The following NCR3LG1 variants were observed in gnomAD, a reference collection of about 807,000 sequenced individuals.
The protein encoded by NCR3LG1 is natural killer cell cytotoxicity receptor 3 ligand 1.
In NCR3LG1, 35 loss-of-function variants were observed where a neutral mutation model predicts 34.8. The observed-to-expected ratio is 1.01, with a 90% CI of 0.77 to 1.33. NCR3LG1 has a LOEUF of 1.33. Ranked by LOEUF, NCR3LG1 falls within the 40% of genes most tolerant of loss-of-function variation. The pLI is 0.00. For missense variants in NCR3LG1, 452 were observed against 423.3 expected, an observed-to-expected ratio of 1.07 and a Z score of -0.60; for synonymous variants, 173 against 163.6, an observed-to-expected ratio of 1.06 and a Z score of -0.44.
intron 2 of NCR3LG1, 119 bp from the exon 3 acceptor site, chr11:17,366,890 C>G: frequency 1.4e-6 from 1 of 691,976 alleles, no homozygotes; most frequent in Non-Finnish European, 2.4e-6. Flanking sequence ...TTTGTCTTAT[C>G]TGGCTACAGG....
chr11:17,373,298 A>G lies in NCR3LG1; in HGVS notation c.*786A>G, dbSNP rs1953433595. 6.6e-6 allele frequency: 1 copy of G among 152,302 alleles called. No individual in the cohort carries two copies. Among genetic ancestry groups the G allele is most frequent in the South Asian group, 2.1e-4 (1 of 4,834 alleles). 9.4% of individuals were successfully genotyped at this position (152,302 alleles called of 1,614,324 possible). A position where few individuals can be genotyped will look rare whatever the true frequency, so the allele number is the denominator to read the frequency against. ...AGAGACTCTGGTGGCCACTTTGTAT[A>G]AAACCCAGTATCCCCAAGGTACACC... On this transcript the variant is annotated 3_prime_UTR_variant, in exon 5 of 5. Transcript: ENST00000338965.
At chr11:17,379,731 A>G (rs1200856593), downstream of NCR3LG1, among the ~76,000 whole-genome samples, 1 of 152,218 alleles carries the variant, frequency 6.6e-6, no homozygotes, top group African/African-American at 2.4e-5. Context: ...AATACTTTTA[A>G]TATGTAAAAC....
At chr11:17,354,545 CTTTTTTTTTTTT>C (rs71047545) in intron 1 of NCR3LG1, among the ~76,000 whole-genome samples, 30 of 70,294 alleles carry the variant, frequency 4.3e-4, no homozygotes, top group Non-Finnish European at 7.8e-4. Flanking sequence ...AATTCTTCTT[CTTTTTTTTTTTT>C]TTTTTTTTTT....
At chr11:17,364,850 T>G (rs189850761) in intron 2 of NCR3LG1, among the ~76,000 whole-genome samples, 142 of 152,314 alleles carry the variant, frequency 9.3e-4, no homozygotes, top group Non-Finnish European at 1.8e-3. Context: ...TCAGCCTCCT[T>G]GTCAGTTTCA....
In NCR3LG1 at chr11:17,368,969, G is replaced by C. The variant is rs1339949801; in HGVS notation, c.858+5G>C. ...GTTTTGATTCCTTGGAAAAAGGTAAGGGGCTCCAAAGCAAAGTTCAGCCCT... is the reference window on the plus strand; with the variant it reads ...GTTTTGATTCCTTGGAAAAAGGTAACGGGCTCCAAAGCAAAGTTCAGCCCT... On this transcript the variant is annotated splice_donor_5th_base_variant and intron_variant, in intron 4 of 4. Coordinates refer to ENST00000338965, the MANE Select transcript of NCR3LG1 (RefSeq NM_001202439.3). 1 of 1,521,882 alleles carries C rather than the reference G, an allele frequency of 6.6e-7. No homozygotes were observed. Among genetic ancestry groups the C allele is most frequent in the African/African-American group, 1.4e-5 (1 of 72,466 alleles). 94.3% of individuals were successfully genotyped at this position (1,521,882 alleles called of 1,614,324 possible).
rs552072166 is a variant in NCR3LG1 at position 17,376,073 on chromosome 11, G to C, written c.*3561G>C. ...ATGGTCAAATAGGTTGTTAATACTC[G>C]TGAAACCCTCTTAAAAATAATCCCT... On this transcript the variant is annotated 3_prime_UTR_variant, in exon 5 of 5. Coordinates refer to ENST00000338965, the MANE Select transcript of NCR3LG1 (RefSeq NM_001202439.3). The C allele has an allele frequency of 6.6e-6, 1 of 152,282 alleles. No individual in the cohort carries two copies. The highest frequency in any genetic ancestry group is 1.9e-4 in the East Asian group (1 of 5,180). The allele number at this position is 152,282 out of a possible 1,614,324, so 9.4% of individuals were successfully genotyped here. A position where few individuals can be genotyped will look rare whatever the true frequency, so the allele number is the denominator to read the frequency against.
intron 4 of NCR3LG1, among the ~76,000 whole-genome samples, chr11:17,370,401 G>C (rs963246924): frequency 6.6e-6 from 1 of 152,196 alleles, no homozygotes; most frequent in African/African-American, 2.4e-5. Context: ...GGAAACATTG[G>C]AAGGGTGAGT....
chr11:17,358,365 G>T (rs1215335306), intron 2 of NCR3LG1, among the ~76,000 whole-genome samples: 1 of 152,160 alleles, frequency 6.6e-6, no homozygotes, highest in Admixed American at 6.5e-5. Flanking sequence ...TTTGGTGAGG[G>T]TATTGGTCAG....
chr11:17,377,097 CAGG>C lies in NCR3LG1; in HGVS notation c.*4588_*4590del, dbSNP rs1339818321. The C allele has an allele frequency of 6.6e-6, 1 of 152,116 alleles. No individual in the cohort carries two copies. The highest frequency in any genetic ancestry group is 1.5e-5 in the Non-Finnish European group (1 of 68,022). 9.4% of individuals were successfully genotyped at this position (152,116 alleles called of 1,614,324 possible). On this transcript the variant is annotated 3_prime_UTR_variant, in exon 5 of 5. Coordinates refer to ENST00000338965, the MANE Select transcript of NCR3LG1 (RefSeq NM_001202439.3). ...CCTACAAATCTGTGGGTGAACAGAACAGGAGACTTCTGGACTGACAGCCCCTGT... is the reference window on the plus strand; with the variant it reads ...CCTACAAATCTGTGGGTGAACAGAACAGACTTCTGGACTGACAGCCCCTGT...
At chr11:17,358,059 A>C (rs1388016943) in intron 2 of NCR3LG1, among the ~76,000 whole-genome samples, 1 of 152,190 alleles carries the variant, frequency 6.6e-6, no homozygotes, top group Non-Finnish European at 1.5e-5. Context: ...TTAGATTTAC[A>C]GAAACATTGC....
chr11:17,359,743 C>T (rs1338997445), intron 2 of NCR3LG1, among the ~76,000 whole-genome samples: 2 of 151,784 alleles, frequency 1.3e-5, no homozygotes, highest in Admixed American at 6.6e-5. Flanking sequence ...AACTCCTGAC[C>T]TCAGATGATC....
Position 17,356,733 on chromosome 11 carries a change from T to G in NCR3LG1, c.153T>G (p.Phe51Leu), listed in dbSNP as rs978413431. 6.5e-7 allele frequency: 1 copy of G among 1,536,476 alleles called. No individual in the cohort carries two copies. Among genetic ancestry groups the G allele is most frequent in the Admixed American group, 2.0e-5 (1 of 51,006 alleles). The change falls in exon 2 of 5, where the codon TTT (phenylalanine) becomes TTG (leucine). Residue 51 changes from phenylalanine to leucine, a missense_variant. Coordinates refer to ENST00000338965, the MANE Select transcript of NCR3LG1 (RefSeq NM_001202439.3). ...NDNVTIFCNI[F>L]YSQPLNITSM... ...ATGTCACCATATTCTGCAATATCTT[T>G]TATTCCCAACCCCTCAACATCACGT...
intron 2 of NCR3LG1, 22 bp downstream of exon 2, chr11:17,357,023 CCTA>C: frequency 4.2e-6 from 6 of 1,445,154 alleles, no homozygotes; most frequent in Non-Finnish European, 4.6e-6. Context: ...GGGGCAGTGC[CCTA>C]CAGTTCCCAT....
At position 17,371,930 on chromosome 11, in the gene NCR3LG1, A is replaced by G. The variant is rs950963894; in HGVS notation, c.859-76A>G. 10 of 619,518 alleles carry G rather than the reference A, an allele frequency of 1.6e-5. No individual in the cohort carries two copies. The African/African-American group carries it at 1.8e-4, about 11-fold the overall frequency. The allele number at this position is 619,518 out of a possible 1,614,324, so 38.4% of individuals were successfully genotyped here. ...AGAGGAGAAGGGGGACGCCCCTTCC[A>G]TTTTTCTCTCTGCTGTCGATCACTC... is the stretch of plus-strand genomic sequence containing the variant. On this transcript the variant is annotated intron_variant, in intron 4 of 4. Coordinates refer to ENST00000338965, the MANE Select transcript of NCR3LG1 (RefSeq NM_001202439.3).
chr11:17,369,004 G>C (rs1267887676), intron 4 of NCR3LG1, 40 bp downstream of exon 4: 3 of 1,373,578 alleles, frequency 2.2e-6, no homozygotes, highest in Non-Finnish European at 3.0e-6. Context: ...TGTGTCTTGG[G>C]CTAGTAAAAA....
At position 17,373,587 on chromosome 11, in the gene NCR3LG1, G is replaced by A. The variant is rs1373339209; in HGVS notation, c.*1075G>A. Reference sequence around the variant, plus strand: ...CACCAGGTGATTCTGGAGTTCGAAGGGAGGAAGGTAGACTTCTTTCTGGAC... The same window carrying A: ...CACCAGGTGATTCTGGAGTTCGAAGAGAGGAAGGTAGACTTCTTTCTGGAC... On this transcript the variant is annotated 3_prime_UTR_variant, in exon 5 of 5. Coordinates refer to ENST00000338965, the MANE Select transcript of NCR3LG1 (RefSeq NM_001202439.3). 2.0e-5 allele frequency: 3 copies of A among 148,602 alleles called. No individual in the cohort carries two copies. In the East Asian group the frequency reaches 5.8e-4, roughly 29 times the overall value. The allele number at this position is 148,602 out of a possible 1,614,324, so 9.2% of individuals were successfully genotyped here. A position where few individuals can be genotyped will look rare whatever the true frequency, so the allele number is the denominator to read the frequency against.
intron 2 of NCR3LG1, among the ~76,000 whole-genome samples, chr11:17,357,695 C>A (rs2133343292): frequency 6.6e-6 from 1 of 151,742 alleles, no homozygotes; most frequent in East Asian, 2.0e-4. Flanking sequence ...TTCTTCTAGG[C>A]TTTATATATC....
intron 4 of NCR3LG1, among the ~76,000 whole-genome samples, 166 bp from the exon 5 acceptor site, chr11:17,371,840 G>A (rs1258767706): frequency 1.3e-5 from 2 of 152,168 alleles, no homozygotes; most frequent in African/African-American, 4.8e-5. Context: ...CATGGGTGAA[G>A]GTCATGCTTT....
intron 2 of NCR3LG1, among the ~76,000 whole-genome samples, chr11:17,357,401 AT>A: frequency 6.6e-6 from 1 of 152,216 alleles, no homozygotes; most frequent in East Asian, 1.9e-4. Context: ...TAATAACCCC[AT>A]TTTTAACTTA....
Sources: gnomAD v4.1 joint callset for allele counts (sites outside exome capture counted in the v4.1 genomes callset) on GRCh38, gnomAD v4.1.1 for gene constraint, MANE v1.5 for transcripts, NCBI Gene and HGNC (gene_info 2026-07-23, HGNC 2026-07-21) for gene names.